ABI1: variants seen among roughly 807,000 people sequenced by gnomAD.
ABI1 encodes the protein Abelson interactor 1.
ABI1 carries 14 observed loss-of-function variants against 54.6 expected under a neutral mutation model. That is an observed-to-expected ratio of 0.26 (90% confidence interval 0.17 to 0.40). The LOEUF is 0.40. Ranked by LOEUF, ABI1 falls within the 10% of genes least tolerant of loss-of-function variation. The pLI, the probability that ABI1 is intolerant of heterozygous loss-of-function variation, is 1.00. For synonymous variants in ABI1, 194 were observed against 209.3 expected (o/e 0.93, Z 0.63); for missense variants, 443 against 598.3 (o/e 0.74, Z 2.71).
intron 1 of ABI1, among the ~76,000 whole-genome samples, chr10:26,837,953 T>C (rs1303335315): frequency 6.6e-6 from 1 of 151,938 alleles, no homozygotes; most frequent in Non-Finnish European, 1.5e-5. Flanking sequence ...CCTAAGCAGG[T>C]ATCTTGGTTT....
intron 9 of ABI1, among the ~76,000 whole-genome samples, chr10:26,753,076 T>G (rs148527186): frequency 6.6e-6 from 1 of 152,178 alleles, no homozygotes; most frequent in Non-Finnish European, 1.5e-5. Flanking sequence ...GTGCTGAATA[T>G]ACAACCAAGG....
At chr10:26,840,090 A>G (rs1373472088) in intron 1 of ABI1, among the ~76,000 whole-genome samples, 2 of 152,188 alleles carry the variant, frequency 1.3e-5, no homozygotes, top group Non-Finnish European at 2.9e-5. Flanking sequence ...TCACTGCTGT[A>G]GTTTAGATGT....
chr10:26,817,971 C>T (rs756847470), intron 2 of ABI1, among the ~76,000 whole-genome samples: 2 of 150,728 alleles, frequency 1.3e-5, no homozygotes, highest in Non-Finnish European at 3.0e-5. Context: ...GCCTGGCCAG[C>T]ATGGTGAAAT....
intron 2 of ABI1, among the ~76,000 whole-genome samples, chr10:26,801,127 T>C (rs889239199): frequency 2.0e-5 from 3 of 152,226 alleles, no homozygotes; most frequent in Admixed American, 2.0e-4. Context: ...CCTATGAAAC[T>C]ACTGGAACAA....
chr10:26,828,922 A>G (rs2048480617), intron 1 of ABI1, among the ~76,000 whole-genome samples: 1 of 152,194 alleles, frequency 6.6e-6, no homozygotes, highest in Non-Finnish European at 1.5e-5. Flanking sequence ...TTAGTTCTAG[A>G]TTTAAACTAA....
At chr10:26,803,203 G>A (rs1024101975) in intron 2 of ABI1, among the ~76,000 whole-genome samples, 3 of 152,062 alleles carry the variant, frequency 2.0e-5, no homozygotes, top group African/African-American at 7.2e-5. Context: ...TAGGATGTTT[G>A]AAGCACAGAA....
chr10:26,814,734 A>C (rs561573410), intron 2 of ABI1, among the ~76,000 whole-genome samples: 1 of 152,288 alleles, frequency 6.6e-6, no homozygotes, highest in East Asian at 1.9e-4. Context: ...AAGACAGGAA[A>C]AATGGGGGAT....
At chr10:26,817,848 A>G (rs2047676017) in intron 2 of ABI1, among the ~76,000 whole-genome samples, 1 of 152,082 alleles carries the variant, frequency 6.6e-6, no homozygotes, top group Non-Finnish European at 1.5e-5. Context: ...AAAACCACCA[A>G]AACTCTGGGC....
intron 1 of ABI1, among the ~76,000 whole-genome samples, chr10:26,831,556 A>C (rs1400818274): frequency 6.6e-6 from 1 of 152,054 alleles, no homozygotes; most frequent in Non-Finnish European, 1.5e-5. Flanking sequence ...GGAAAAAAAA[A>C]CCTCTTTACG....
intron 1 of ABI1, among the ~76,000 whole-genome samples, chr10:26,857,762 C>T (rs9299834): frequency 0.22 from 32,551 of 149,646 alleles, 3,804 homozygotes; most frequent in African/African-American, 0.32. Flanking sequence ...GGTGGGAGGA[C>T]TGCTTGAGCC....
At chr10:26,815,719 G>C (rs982444237) in intron 2 of ABI1, among the ~76,000 whole-genome samples, 1 of 152,064 alleles carries the variant, frequency 6.6e-6, no homozygotes, top group African/African-American at 2.4e-5. Flanking sequence ...ACCAGCCTGG[G>C]CAACACAGCA....
chr10:26,796,907 G>A (rs1184896143), intron 2 of ABI1, among the ~76,000 whole-genome samples: 1 of 152,122 alleles, frequency 6.6e-6, no homozygotes, highest in Non-Finnish European at 1.5e-5. Flanking sequence ...TAGGTCCCTT[G>A]GACATAAGGT....
Position 26,778,106 on chromosome 10 carries a change from C to T in ABI1, c.286-865G>A, listed in dbSNP as rs117038549. Among the ~76,000 whole-genome samples, 121 of 152,120 alleles carry T rather than the reference C, an allele frequency of 8.0e-4. 1 individual carries two copies. In the East Asian group the frequency reaches 0.021, roughly 27 times the overall value. Reference sequence around the variant, plus strand: ...TATTAAAGGCAGAGAGAATAACATCCTGCAGACAAAGGTTTAAGAGAGAAA... The same window carrying T: ...TATTAAAGGCAGAGAGAATAACATCTTGCAGACAAAGGTTTAAGAGAGAAA... On this transcript the variant is annotated intron_variant, in intron 2 of 10. Transcript: ENST00000376140.
chr10:26,808,082 CTG>C (rs1206488314), intron 2 of ABI1, among the ~76,000 whole-genome samples: 1 of 152,004 alleles, frequency 6.6e-6, no homozygotes, highest in African/African-American at 2.4e-5. Context: ...TCACGAGACT[CTG>C]TTCAAAAAAA....
chr10:26,763,840 T>TAA, intron 7 of ABI1: 4 of 1,547,212 alleles, frequency 2.6e-6, no homozygotes, highest in Non-Finnish European at 3.6e-6. Flanking sequence ...ATGAATTATG[T>TAA]AAAGTGAGTT....
chr10:26,759,064 G>A lies in ABI1; in HGVS notation c.995C>T (p.Ser332Leu). The A allele has an allele frequency of 6.2e-7, 1 of 1,612,726 alleles. No individual in the cohort carries two copies. Among genetic ancestry groups the A allele is most frequent in the Non-Finnish European group, 8.5e-7 (1 of 1,179,496 alleles). The change falls in exon 8 of 11, where the codon TCA (serine) becomes TTA (leucine). Residue 332 changes from serine to leucine, a missense_variant and splice_region_variant. Ser to Leu is a moderately radical substitution (Grantham distance 145). Transcript: ENST00000376140. ...ATGCCTGCAAAGCACAAGCTTACTTGAATTTTGAGAATAAAGTGGACCTCC... is the reference window on the plus strand; with the variant it reads ...ATGCCTGCAAAGCACAAGCTTACTTAAATTTTGAGAATAAAGTGGACCTCC... Reference protein sequence around the residue: ...VNGGPLYSQNSISIAPPPPPM... With the variant: ...VNGGPLYSQNLISIAPPPPPM...
At chr10:26,845,599 T>C (rs1238411410) in intron 1 of ABI1, among the ~76,000 whole-genome samples, 2 of 151,948 alleles carry the variant, frequency 1.3e-5, no homozygotes, top group Non-Finnish European at 2.9e-5. Flanking sequence ...ACCAAGATCG[T>C]GCCATTGCAC....
chr10:26,751,182 G>A (rs552702540), intron 10 of ABI1, among the ~76,000 whole-genome samples: 1 of 152,236 alleles, frequency 6.6e-6, no homozygotes, highest in South Asian at 2.1e-4. Flanking sequence ...CCATCATAAA[G>A]TTGAAAAGAT....
intron 3 of ABI1, among the ~76,000 whole-genome samples, chr10:26,773,215 C>CTTGTTTTTTTTTTTTTTTTTTTTTTT (rs1840934988): frequency 1.1e-5 from 1 of 92,528 alleles, no homozygotes; most frequent in African/African-American, 4.5e-5. Flanking sequence ...AATGCTAATT[C>CTTGTTTTTTTTTTTTTTTTTTTTTTT]TTTTTTTTTT....
Sources: gnomAD v4.1 joint callset for allele counts (sites outside exome capture counted in the v4.1 genomes callset) on GRCh38, gnomAD v4.1.1 for gene constraint, MANE v1.5 for transcripts, NCBI Gene and HGNC (gene_info 2026-07-23, HGNC 2026-07-21) for gene names.